The following ZNF609 variants were observed in gnomAD, a reference collection of about 807,000 sequenced individuals.
ZNF609 encodes the protein zinc finger protein 609.
ZNF609 carries 11 observed loss-of-function variants against 109.5 expected under a neutral mutation model. The ratio of observed to expected loss-of-function variants is 0.10; its 90% CI spans 0.06 to 0.17. The LOEUF (loss-of-function observed/expected upper bound fraction) is 0.17. Ranked by LOEUF, ZNF609 falls within the 10% of genes least tolerant of loss-of-function variation. The probability of loss-of-function intolerance (pLI) is 1.00; values close to 1 mark genes in which losing one functional copy is unlikely to be tolerated. For missense variants in ZNF609, 1,559 were observed against 1,772.4 expected, an observed-to-expected ratio of 0.88 and a Z score of 2.16; for synonymous variants, 646 against 662.0, an observed-to-expected ratio of 0.98 and a Z score of 0.37.
chr15:64,669,556 A>G (rs1157513962), intron 3 of ZNF609, among the ~76,000 whole-genome samples: 1 of 152,180 alleles, frequency 6.6e-6, no homozygotes, highest in East Asian at 1.9e-4. Context: ...TATGGAAGGG[A>G]CACTTCATTT....
chr15:64,462,916 T>A (rs560401249), intron 1 of ZNF609, among the ~76,000 whole-genome samples: 22 of 152,336 alleles, frequency 1.4e-4, no homozygotes, highest in African/African-American at 5.3e-4. Flanking sequence ...TGTACATATC[T>A]GATAGAAGTG....
rs765718552 is a variant in ZNF609 at position 64,678,094 on chromosome 15, CGTT to C, written c.3403-18_3403-16del. On this transcript the variant is annotated intron_variant, in intron 5 of 9. Transcript: ENST00000326648. The stretch of plus-strand genomic sequence containing the variant: ...CTGTCTTATCTGTACAACACCCAGT[CGTT>C]GTTCTGTGATTGTTGTAGGAGGCAG... The C allele has an allele frequency of 6.2e-7, 1 of 1,601,954 alleles. No individual in the cohort carries two copies. The highest frequency in any genetic ancestry group is 1.1e-5 in the South Asian group (1 of 88,576).
intron 1 of ZNF609, among the ~76,000 whole-genome samples, chr15:64,494,968 G>T (rs1246533810): frequency 6.6e-6 from 1 of 152,110 alleles, no homozygotes; most frequent in Non-Finnish European, 1.5e-5. Flanking sequence ...CATCCTTTCA[G>T]TTTATTAATA....
intron 2 of ZNF609, among the ~76,000 whole-genome samples, chr15:64,543,605 G>A (rs929452493): frequency 1.3e-5 from 2 of 151,680 alleles, no homozygotes; most frequent in Admixed American, 6.6e-5. Context: ...CACCATGCCC[G>A]GCTAATTTTT....
intron 1 of ZNF609, among the ~76,000 whole-genome samples, chr15:64,492,375 A>C (rs1297560561): frequency 6.6e-6 from 1 of 152,106 alleles, no homozygotes; most frequent in African/African-American, 2.4e-5. Flanking sequence ...TATTGGTACA[A>C]CCTGTAATTT....
chr15:64,485,761 C>T (rs1160723523), intron 1 of ZNF609, among the ~76,000 whole-genome samples: 1 of 152,160 alleles, frequency 6.6e-6, no homozygotes, highest in African/African-American at 2.4e-5. Context: ...GATAGCGCCA[C>T]TGTACTCTAG....
chr15:64,460,682 G>A lies in ZNF609; in HGVS notation c.-284G>A, dbSNP rs1294648609. 1.5e-4 allele frequency: 23 copies of A among 152,050 alleles called. No individual in the cohort carries two copies. The highest frequency in any genetic ancestry group is 5.1e-4 in the African/African-American group (20 of 39,582). 9.4% of individuals were successfully genotyped at this position (152,050 alleles called of 1,614,324 possible). ...GCGGGGCGGAGAGGCGCGGGGAGGG[G>A]GCAGAGAGCCAGAGCCGGAGCCGGA... On this transcript the variant is annotated 5_prime_UTR_variant, in exon 1 of 10. Transcript: ENST00000326648.
At chr15:64,585,369 G>A (rs1895179280) in intron 2 of ZNF609, among the ~76,000 whole-genome samples, 2 of 151,994 alleles carry the variant, frequency 1.3e-5, no homozygotes, top group African/African-American at 4.8e-5. Flanking sequence ...CCTTAAACTT[G>A]TTTAGCCCCG....
At chr15:64,577,045 C>CACAA (rs1894981011) in intron 2 of ZNF609, among the ~76,000 whole-genome samples, 4 of 99,396 alleles carry the variant, frequency 4.0e-5, no homozygotes, top group African/African-American at 1.4e-4. Flanking sequence ...TATATATACA[C>CACAA]ATAAATATAT....
chr15:64,610,011 C>A (rs75780102), intron 2 of ZNF609, among the ~76,000 whole-genome samples: 1 of 150,912 alleles, frequency 6.6e-6, no homozygotes, highest in Non-Finnish European at 1.5e-5. Context: ...GATGCTATCT[C>A]AAAAAATAAT....
chr15:64,617,698 T>C (rs974745099), intron 2 of ZNF609, among the ~76,000 whole-genome samples: 1 of 152,124 alleles, frequency 6.6e-6, no homozygotes, highest in Non-Finnish European at 1.5e-5. Flanking sequence ...GAGAATCGCC[T>C]GAATCTGGAA....
At chr15:64,490,802 A>G (rs772088571) in intron 1 of ZNF609, among the ~76,000 whole-genome samples, 4 of 152,218 alleles carry the variant, frequency 2.6e-5, no homozygotes, top group African/African-American at 4.8e-5. Flanking sequence ...TCTGAACTTG[A>G]GCCCAGTTGA....
At chr15:64,558,339 A>C (rs1337391980) in intron 2 of ZNF609, among the ~76,000 whole-genome samples, 2 of 152,092 alleles carry the variant, frequency 1.3e-5, no homozygotes, top group Non-Finnish European at 2.9e-5. Flanking sequence ...GTGGCAGTTT[A>C]CTTTATCTCT....
intron 3 of ZNF609, among the ~76,000 whole-genome samples, chr15:64,627,935 C>T (rs1463570293): frequency 6.7e-6 from 1 of 148,830 alleles, no homozygotes; most frequent in Admixed American, 6.7e-5. Flanking sequence ...GCTGGGATTA[C>T]AGGCATGAAC....
intron 2 of ZNF609, among the ~76,000 whole-genome samples, chr15:64,531,366 G>C (rs1420546696): frequency 6.6e-6 from 1 of 152,034 alleles, no homozygotes; most frequent in Non-Finnish European, 1.5e-5. Context: ...CACTGAAAAA[G>C]CTACACAAAT....
chr15:64,558,887 C>CT lies in ZNF609; in HGVS notation c.747+58734dup, dbSNP rs78899402. 4.4e-3 allele frequency among the ~76,000 whole-genome samples: 638 copies of CT among 144,862 alleles called. 3 individuals are homozygous for CT. The highest frequency in any genetic ancestry group is 8.8e-3 in the African/African-American group (349 of 39,696). On this transcript the variant is annotated intron_variant, in intron 2 of 9. Coordinates refer to ENST00000326648, the MANE Select transcript of ZNF609 (RefSeq NM_015042.2). ...TAGCTTTGAAACTCTAAAATATTTCCTTTTTTTTTTTTTAGTTGCCATTTC... is the reference window on the plus strand; with the variant it reads ...TAGCTTTGAAACTCTAAAATATTTCCTTTTTTTTTTTTTTAGTTGCCATTTC...
intron 3 of ZNF609, among the ~76,000 whole-genome samples, chr15:64,640,861 T>C (rs972741396): frequency 1.8e-4 from 28 of 152,232 alleles, no homozygotes; most frequent in Admixed American, 3.3e-4. Context: ...GTGGCACTTA[T>C]GCAAAGTTTC....
At chr15:64,535,730 T>G (rs1012674598) in intron 2 of ZNF609, among the ~76,000 whole-genome samples, 2 of 152,226 alleles carry the variant, frequency 1.3e-5, no homozygotes, top group Non-Finnish European at 2.9e-5. Context: ...CATTTTACAT[T>G]ACCACCAGCA....
intron 3 of ZNF609, among the ~76,000 whole-genome samples, chr15:64,657,831 ACT>A (rs1896512928): frequency 6.6e-6 from 1 of 151,584 alleles, no homozygotes; most frequent in Admixed American, 6.6e-5. Flanking sequence ...ATGGTGGCTG[ACT>A]CTTGTCCAAA....
Sources: allele counts gnomAD v4.1 joint callset (sites outside exome capture counted in the v4.1 genomes callset), GRCh38; gene constraint gnomAD v4.1.1; transcripts MANE v1.5; gene names NCBI Gene and HGNC (gene_info 2026-07-23, HGNC 2026-07-21).